Variants in KMT2C observed in about 807,000 individuals in gnomAD.
KMT2C encodes the protein histone-lysine N-methyltransferase 2C.
A neutral mutation model predicts 507.9 loss-of-function variants in KMT2C; 88 were observed. That is an observed-to-expected ratio of 0.17 (90% CI 0.15 to 0.21). The LOEUF (loss-of-function observed/expected upper bound fraction) is 0.21. Ranked by LOEUF, KMT2C falls within the 10% of genes least tolerant of loss-of-function variation. KMT2C has a pLI of 1.00. For missense variants in KMT2C, 4,954 were observed against 5,957.8 expected (o/e 0.83, Z 5.55); for synonymous variants, 2,049 against 2,080.8 (o/e 0.98, Z 0.42).
rs369176050 is a variant in KMT2C, at chr7:152,369,338, C to CA, written c.162-10664dup. Among the ~76,000 whole-genome samples, 327 of 139,550 alleles carry CA rather than the reference C, an allele frequency of 2.3e-3. 1 individual carries two copies. Among genetic ancestry groups the CA allele is most frequent in the East Asian group, 0.014 (66 of 4,874 alleles). The allele number at this position is 139,550 out of a possible 152,430, so 91.6% of individuals were successfully genotyped here. On this transcript the variant is annotated intron_variant, in intron 1 of 58. Transcript: ENST00000262189. Reference sequence around the variant, plus strand: ...GCCCTGTCTCAAAAAAAAACAAAAACAAAAAAAAAAACAAGATGGCAAATT... The same window carrying CA: ...GCCCTGTCTCAAAAAAAAACAAAAACAAAAAAAAAAAACAAGATGGCAAATT...
chr7:152,393,877 A>T, intron 1 of KMT2C, among the ~76,000 whole-genome samples: 1 of 150,332 alleles, frequency 6.7e-6, no homozygotes, highest in Admixed American at 6.6e-5. Context: ...AGCCTGGGCA[A>T]CAAGAAGCAA....
At position 152,195,902 on chromosome 7, in the gene KMT2C, T is replaced by C. The variant is rs2093947697; in HGVS notation, c.4378+5A>G. Reference sequence around the variant, plus strand: ...AGAAAAAGGGTAAACAGTATTCATATATACCTGAATGATCAACTGATTTTG... The same window carrying C: ...AGAAAAAGGGTAAACAGTATTCATACATACCTGAATGATCAACTGATTTTG... On this transcript the variant is annotated splice_donor_5th_base_variant and intron_variant, in intron 28 of 58. Transcript: ENST00000262189. 1 of 1,515,194 alleles carries C rather than the reference T, an allele frequency of 6.6e-7. No homozygotes were observed. The highest frequency in any genetic ancestry group is 1.4e-5 in the African/African-American group (1 of 72,822). 93.9% of individuals were successfully genotyped at this position (1,515,194 alleles called of 1,614,324 possible).
At position 152,215,161 on chromosome 7, in the gene KMT2C, C is replaced by T. The variant is rs559557083; in HGVS notation, c.3712+5362G>A. On this transcript the variant is annotated intron_variant, in intron 23 of 58. Transcript: ENST00000262189. ...TTAGCAAGGAATTCACCTTTGCAGG[C>T]CCACTTACATACAACATTATAAATA... 5.3e-5 allele frequency among the ~76,000 whole-genome samples: 8 copies of T among 152,036 alleles called. No homozygotes were observed. In the South Asian group the frequency reaches 1.7e-3, roughly 32 times the overall value.
intron 1 of KMT2C, among the ~76,000 whole-genome samples, chr7:152,370,323 T>C (rs1470672305): frequency 6.6e-6 from 1 of 152,126 alleles, no homozygotes; most frequent in East Asian, 1.9e-4. Flanking sequence ...AGATGAAATA[T>C]GTAACCTGAA....
rs1013805719 is a variant in KMT2C at position 152,212,286 on chromosome 7, T to C, written c.3713-4858A>G. 6.6e-5 allele frequency among the ~76,000 whole-genome samples: 10 copies of C among 152,314 alleles called. No homozygotes were observed. The East Asian group carries it at 7.7e-4, about 12-fold the overall frequency. ...ACTCTTTTTAAGACCTCTGTATTTC[T>C]TGTATCATGCACAGGTATTGCCTAT... On this transcript the variant is annotated intron_variant, in intron 23 of 58. Coordinates refer to ENST00000262189, the MANE Select transcript of KMT2C (RefSeq NM_170606.3).
rs2097296281 is a variant in KMT2C, at chr7:152,371,935, ATC to A, written c.162-13262_162-13261del. On this transcript the variant is annotated intron_variant, in intron 1 of 58. Transcript: ENST00000262189. Reference sequence around the variant, plus strand: ...GGCCGAGTGGATTTTTAAAAACAAGATCCAATGATATGCTGCCTACAAGATAC... The same window carrying A: ...GGCCGAGTGGATTTTTAAAAACAAGACAATGATATGCTGCCTACAAGATAC... Among the ~76,000 whole-genome samples, 2 of 151,984 alleles carry A rather than the reference ATC, an allele frequency of 1.3e-5. 1 individual carries two copies. The highest frequency in any genetic ancestry group is 4.1e-4 in the South Asian group (2 of 4,820).
intron 9 of KMT2C, among the ~76,000 whole-genome samples, chr7:152,259,452 A>ACG (rs968516329): frequency 2.5e-5 from 3 of 122,394 alleles, no homozygotes; most frequent in African/African-American, 1.2e-4. Context: ...ACGCGCACAC[A>ACG]CACACACACA....
intron 3 of KMT2C, among the ~76,000 whole-genome samples, chr7:152,326,806 G>A (rs1180124371): frequency 7.2e-5 from 11 of 152,290 alleles, no homozygotes; most frequent in Middle Eastern, 3.4e-3. Flanking sequence ...GCGCGAACCC[G>A]GGAGGCGGAG....
intron 27 of KMT2C, among the ~76,000 whole-genome samples, chr7:152,197,229 G>A (rs1193267184): frequency 6.6e-6 from 1 of 152,178 alleles, no homozygotes; most frequent in Non-Finnish European, 1.5e-5. Flanking sequence ...CACAAACGTG[G>A]ATGAATGAAA....
At chr7:152,140,096 T>C (rs2090364213) in intron 55 of KMT2C, among the ~76,000 whole-genome samples, 1 of 152,232 alleles carries the variant, frequency 6.6e-6, no homozygotes, top group Admixed American at 6.5e-5. Flanking sequence ...CCAGATGAGA[T>C]AGCTGAGTTC....
At chr7:152,166,995 T>A in intron 42 of KMT2C, 151 bp downstream of exon 42, 1 of 621,036 alleles carries the variant, frequency 1.6e-6, no homozygotes, top group Non-Finnish European at 2.8e-6. Flanking sequence ...TACTAAGAGG[T>A]CTCAGAGCTG....
intron 1 of KMT2C, among the ~76,000 whole-genome samples, chr7:152,385,844 T>C (rs1467477703): frequency 2.0e-5 from 3 of 151,804 alleles, no homozygotes; most frequent in Non-Finnish European, 2.9e-5. Flanking sequence ...TCCCAGCACT[T>C]TGGGAGGCTG....
At chr7:152,188,406 C>T (rs1037339151) in intron 31 of KMT2C, among the ~76,000 whole-genome samples, 1 of 152,048 alleles carries the variant, frequency 6.6e-6, no homozygotes, top group East Asian at 1.9e-4. Context: ...AATGTATGTA[C>T]AGCTCTAAAC....
In KMT2C at chr7:152,320,789, ATTCTT is replaced by A. The variant is rs2096766161; in HGVS notation, c.390-5456_390-5452del. 5.9e-5 allele frequency among the ~76,000 whole-genome samples: 9 copies of A among 152,160 alleles called. 1 individual carries two copies. The South Asian group carries it at 1.7e-3, about 28-fold the overall frequency. ...GCTCTATCTACAACTAACGGTTCAC[ATTCTT>A]TTCAAGTATATTAAAATATTTCAAG... On this transcript the variant is annotated intron_variant, in intron 3 of 58. Coordinates refer to ENST00000262189, the MANE Select transcript of KMT2C (RefSeq NM_170606.3).
chr7:152,423,256 C>T (rs530490762), intron 1 of KMT2C, among the ~76,000 whole-genome samples: 1 of 152,218 alleles, frequency 6.6e-6, no homozygotes, highest in East Asian at 1.9e-4. Flanking sequence ...AGGAGAATCG[C>T]TTGAACTCGG....
intron 18 of KMT2C, among the ~76,000 whole-genome samples, chr7:152,228,322 C>G (rs571093996): frequency 6.6e-6 from 1 of 152,274 alleles, no homozygotes; most frequent in Admixed American, 6.5e-5. Flanking sequence ...TGAAGACTTT[C>G]TAGACTTGCC....
intron 42 of KMT2C, among the ~76,000 whole-genome samples, chr7:152,165,726 T>C (rs1437847589): frequency 6.6e-6 from 1 of 152,214 alleles, no homozygotes; most frequent in Non-Finnish European, 1.5e-5. Flanking sequence ...TTTGCTCTTG[T>C]TGCCCAGGCT....
chr7:152,136,597 T>C lies in KMT2C; in HGVS notation c.*235A>G, dbSNP rs190944263. 127 of 505,090 alleles carry C rather than the reference T, an allele frequency of 2.5e-4. 1 individual carries two copies. Among genetic ancestry groups the C allele is most frequent in the African/African-American group, 2.1e-3 (107 of 50,916 alleles). 31.3% of individuals were successfully genotyped at this position (505,090 alleles called of 1,614,324 possible). Reference sequence around the variant, plus strand: ...GGAAAAGAAAAAAAAGCAAAAGTGCTGGACCATTCTGTGATTCCGTTTAAC... The same window carrying C: ...GGAAAAGAAAAAAAAGCAAAAGTGCCGGACCATTCTGTGATTCCGTTTAAC... On this transcript the variant is annotated 3_prime_UTR_variant, in exon 59 of 59. Coordinates refer to ENST00000262189, the MANE Select transcript of KMT2C (RefSeq NM_170606.3).
chr7:152,225,527 G>C (rs2094900552), intron 18 of KMT2C, among the ~76,000 whole-genome samples: 1 of 152,192 alleles, frequency 6.6e-6, no homozygotes, highest in Non-Finnish European at 1.5e-5. Context: ...AACTATGTGT[G>C]AAGACAGAAC....
Sources: gnomAD v4.1 joint callset for allele counts (sites outside exome capture counted in the v4.1 genomes callset) on GRCh38, gnomAD v4.1.1 for gene constraint, MANE v1.5 for transcripts, NCBI Gene and HGNC (gene_info 2026-07-23, HGNC 2026-07-21) for gene names.